The following ASCC3 variants were observed in gnomAD, a reference collection of about 807,000 sequenced individuals.
ASCC3 encodes ASC-1 complex subunit P200.
In ASCC3, 158 loss-of-function variants were observed where a neutral mutation model predicts 256.3. The ratio of observed to expected loss-of-function variants is 0.62; its 90% CI spans 0.54 to 0.70. The LOEUF (loss-of-function observed/expected upper bound fraction) is 0.70, where lower values mean the gene tolerates loss of function less well. Ranked by LOEUF, ASCC3 falls within the 30% of genes least tolerant of loss-of-function variation. The pLI, the probability that ASCC3 is intolerant of heterozygous loss-of-function variation, is 0.00. For synonymous variants in ASCC3, 948 were observed against 883.4 expected (o/e 1.07, Z -1.30); for missense variants, 2,259 against 2,626.0 (o/e 0.86, Z 3.05).
chr6:100,821,372 C>A (rs1038230940), intron 4 of ASCC3, among the ~76,000 whole-genome samples: 1 of 151,296 alleles, frequency 6.6e-6, no homozygotes, highest in African/African-American at 2.4e-5. Flanking sequence ...TAGGTATACA[C>A]CTAAGAGAAC....
chr6:100,523,224 T>G (rs1227056593), intron 37 of ASCC3, among the ~76,000 whole-genome samples: 1 of 151,940 alleles, frequency 6.6e-6, no homozygotes, highest in East Asian at 1.9e-4. Flanking sequence ...CTGGTATTCA[T>G]TTTCCTCATC....
At chr6:100,871,708 G>A (rs769309284) in intron 1 of ASCC3, among the ~76,000 whole-genome samples, 2 of 152,194 alleles carry the variant, frequency 1.3e-5, no homozygotes, top group African/African-American at 4.8e-5. Context: ...CAAGGCTGCA[G>A]TAAGCCATGA....
At chr6:100,733,278 A>G (rs1376245663) in intron 10 of ASCC3, among the ~76,000 whole-genome samples, 1 of 152,182 alleles carries the variant, frequency 6.6e-6, no homozygotes, top group Non-Finnish European at 1.5e-5. Flanking sequence ...ATGTTCACTC[A>G]GTGACCATCT....
intron 13 of ASCC3, among the ~76,000 whole-genome samples, chr6:100,702,199 G>A (rs1778389422): frequency 6.6e-6 from 1 of 152,040 alleles, no homozygotes; most frequent in Non-Finnish European, 1.5e-5. Context: ...CTTACGTAGT[G>A]GTGGCAGAAA....
Position 100,840,234 on chromosome 6 carries a change from C to T in ASCC3, c.801+7914G>A, listed in dbSNP as rs1214245149. Among the ~76,000 whole-genome samples the T allele has an allele frequency of 6.6e-5, 10 of 152,172 alleles. No homozygotes were observed. The East Asian group carries it at 1.9e-3, about 29-fold the overall frequency. On this transcript the variant is annotated intron_variant, in intron 4 of 41. Transcript: ENST00000369162. ...TACATCTGATCCAAATAACTCTCCA[C>T]CCAAAACCAGTGAGTACTTTTGTAT...
At chr6:100,538,027 T>C (rs907164748) in intron 37 of ASCC3, among the ~76,000 whole-genome samples, 1 of 152,006 alleles carries the variant, frequency 6.6e-6, no homozygotes, top group African/African-American at 2.4e-5. Context: ...GATTATTATA[T>C]GGCTTTTGAA....
chr6:100,701,944 G>C (rs1028734494), intron 13 of ASCC3, among the ~76,000 whole-genome samples: 2 of 152,078 alleles, frequency 1.3e-5, no homozygotes, highest in African/African-American at 4.8e-5. Context: ...GGAAGTGAGA[G>C]AGAAAGTAAG....
intron 36 of ASCC3, among the ~76,000 whole-genome samples, chr6:100,579,142 T>C (rs1397854857): frequency 6.6e-6 from 1 of 151,972 alleles, no homozygotes; most frequent in Non-Finnish European, 1.5e-5. Context: ...TTGAAAAGTA[T>C]CTGTTCATTC....
intron 8 of ASCC3, among the ~76,000 whole-genome samples, chr6:100,779,540 G>A (rs372370315): frequency 9.2e-5 from 14 of 152,234 alleles, no homozygotes; most frequent in Middle Eastern, 3.4e-3. Context: ...TAATTTATAG[G>A]TGAAAAAGCT....
chr6:100,638,989 C>T (rs564526522), intron 24 of ASCC3, among the ~76,000 whole-genome samples, 168 bp from the exon 25 acceptor site: 6 of 152,136 alleles, frequency 3.9e-5, no homozygotes, highest in African/African-American at 1.4e-4. Flanking sequence ...AAATATGTCA[C>T]GCAAGTAACC....
intron 10 of ASCC3, among the ~76,000 whole-genome samples, chr6:100,729,529 A>G (rs999747579): frequency 6.6e-6 from 1 of 152,102 alleles, no homozygotes; most frequent in Non-Finnish European, 1.5e-5. Context: ...CTAAGGTTTT[A>G]TTTTTTACTA....
intron 23 of ASCC3, among the ~76,000 whole-genome samples, chr6:100,643,234 T>C (rs1775214767): frequency 6.6e-6 from 1 of 152,200 alleles, no homozygotes; most frequent in Admixed American, 6.5e-5. Flanking sequence ...CCAAGACTCT[T>C]ACCTGAAGCT....
intron 3 of ASCC3, 45 bp downstream of exon 3, chr6:100,864,019 T>C (rs1392213345): frequency 1.4e-6 from 2 of 1,416,842 alleles, no homozygotes; most frequent in Non-Finnish European, 1.9e-6. Context: ...TTTTGAACCT[T>C]ACTGGTTCTC....
chr6:100,751,562 A>T (rs911201127), intron 10 of ASCC3, among the ~76,000 whole-genome samples: 5 of 148,088 alleles, frequency 3.4e-5, no homozygotes, highest in Admixed American at 1.3e-4. Flanking sequence ...TACATCCAAT[A>T]AAAAAAAAAC....
chr6:100,606,341 T>C (rs1003942645), intron 32 of ASCC3, among the ~76,000 whole-genome samples: 1 of 152,114 alleles, frequency 6.6e-6, no homozygotes, highest in Non-Finnish European at 1.5e-5. Context: ...ATAAACACTT[T>C]GGTTCTGGAA....
chr6:100,645,619 A>AT (rs1256314783), intron 22 of ASCC3, among the ~76,000 whole-genome samples: 2 of 152,184 alleles, frequency 1.3e-5, no homozygotes, highest in Non-Finnish European at 2.9e-5. Flanking sequence ...GGCTTCTTGA[A>AT]TGTAAGAACT....
At chr6:100,628,016 T>G (rs1774327454) in intron 27 of ASCC3, 29 bp from the exon 28 acceptor site, 6 of 1,608,540 alleles carry the variant, frequency 3.7e-6, no homozygotes, top group Non-Finnish European at 5.1e-6. Flanking sequence ...TCAATGTTAA[T>G]CATTTAACAA....
chr6:100,866,337 T>C (rs1024420401), intron 2 of ASCC3, among the ~76,000 whole-genome samples: 1 of 152,244 alleles, frequency 6.6e-6, no homozygotes, highest in African/African-American at 2.4e-5. Context: ...CAGCTTTTAC[T>C]CTTTTGTTTC....
At chr6:100,515,000 T>C (rs1773950969) in intron 39 of ASCC3, among the ~76,000 whole-genome samples, 1 of 152,156 alleles carries the variant, frequency 6.6e-6, no homozygotes, top group Non-Finnish European at 1.5e-5. Context: ...CAAATAACCA[T>C]CATCATATCA....
Sources: allele counts gnomAD v4.1 joint callset (sites outside exome capture counted in the v4.1 genomes callset), GRCh38; gene constraint gnomAD v4.1.1; transcripts MANE v1.5; gene names NCBI Gene and HGNC (gene_info 2026-07-23, HGNC 2026-07-21).